The following DPP6 variants were observed in gnomAD, a reference collection of about 807,000 sequenced individuals.
DPP6 encodes dipeptidyl peptidase like 6.
In DPP6, 69 loss-of-function variants were observed where a neutral mutation model predicts 122.6. The ratio of observed to expected loss-of-function variants is 0.56; its 90% confidence interval spans 0.46 to 0.69. The LOEUF is 0.69. Ranked by LOEUF, DPP6 falls within the 30% of genes least tolerant of loss-of-function variation. DPP6 has a pLI of 0.00. For missense variants in DPP6, 928 were observed against 1,116.9 expected (o/e 0.83, Z 2.41); for synonymous variants, 418 against 433.1 (o/e 0.97, Z 0.43).
At chr7:153,965,991 T>A (rs928286019) in intron 1 of DPP6, among the ~76,000 whole-genome samples, 6 of 150,900 alleles carry the variant, frequency 4.0e-5, no homozygotes, top group Non-Finnish European at 5.9e-5. Context: ...GAAAGACTGA[T>A]AAGTTTTCAG....
At chr7:153,773,330 A>ATATATT in the DPP6 span, among the ~76,000 whole-genome samples, 9 of 139,958 alleles carry the variant, frequency 6.4e-5, no homozygotes, top group African/African-American at 2.4e-4. Context: ...ATATATATAT[A>ATATATT]TTTTTTTTTA....
At chr7:154,732,297 G>C (rs1842378032) in intron 8 of DPP6, among the ~76,000 whole-genome samples, 1 of 152,084 alleles carries the variant, frequency 6.6e-6, no homozygotes, top group Admixed American at 6.5e-5. Flanking sequence ...ATATGCATGA[G>C]CTATAGTGGG....
the DPP6 span, among the ~76,000 whole-genome samples, chr7:153,871,886 G>A: frequency 1.6e-4 from 25 of 152,170 alleles, 1 homozygote; most frequent in South Asian, 1.0e-3. Context: ...GTACCTTTTC[G>A]TCACTGTGAC....
rs542368400 is a variant in DPP6 at position 154,318,584 on chromosome 7, T to C, written c.244-127630T>C. ...AAACATAAATCCCTTGACTGATACT[T>C]GTTGAGCAAGTTAAAGATGTCCCAG... On this transcript the variant is annotated intron_variant, in intron 1 of 25. Coordinates refer to ENST00000377770, the MANE Select transcript of DPP6 (RefSeq NM_130797.4). 5.9e-5 allele frequency among the ~76,000 whole-genome samples: 9 copies of C among 152,300 alleles called. 2 individuals carry two copies. Among genetic ancestry groups the C allele is most frequent in the African/African-American group, 2.2e-4 (9 of 41,570 alleles).
At chr7:154,375,109 C>T (rs964416105) in intron 1 of DPP6, among the ~76,000 whole-genome samples, 6 of 151,952 alleles carry the variant, frequency 3.9e-5, no homozygotes, top group East Asian at 1.9e-4. Context: ...GCGTGAGTCC[C>T]GGGGAAGAGA....
At chr7:154,276,777 C>T (rs902437018) in intron 1 of DPP6, among the ~76,000 whole-genome samples, 2 of 152,118 alleles carry the variant, frequency 1.3e-5, no homozygotes, top group African/African-American at 4.8e-5. Flanking sequence ...CGGGTCACAA[C>T]ATTTTCATCC....
At chr7:153,790,678 G>A in the DPP6 span, among the ~76,000 whole-genome samples, 5 of 152,288 alleles carry the variant, frequency 3.3e-5, no homozygotes, top group South Asian at 2.1e-4. Context: ...TGAAACAGCC[G>A]GAGAGGTATT....
chr7:153,987,927 A>G (rs991882053), intron 1 of DPP6, among the ~76,000 whole-genome samples: 2 of 152,140 alleles, frequency 1.3e-5, no homozygotes, highest in Non-Finnish European at 2.9e-5. Flanking sequence ...ACCGGCCAGT[A>G]TGGAATTGGT....
At chr7:154,595,199 G>A (rs767657199) in intron 5 of DPP6, among the ~76,000 whole-genome samples, 6 of 151,860 alleles carry the variant, frequency 4.0e-5, no homozygotes, top group Non-Finnish European at 7.4e-5. Flanking sequence ...CCCCTTCTCC[G>A]TTGCCATCTT....
At chr7:154,809,792 C>T (rs761381935) in intron 16 of DPP6, among the ~76,000 whole-genome samples, 9 of 152,174 alleles carry the variant, frequency 5.9e-5, no homozygotes, top group Non-Finnish European at 1.3e-4. Context: ...CTGAGCTGCT[C>T]GGTCATATTC....
At chr7:153,946,510 G>A (rs996190360) in intron 1 of DPP6, among the ~76,000 whole-genome samples, 10 of 152,074 alleles carry the variant, frequency 6.6e-5, no homozygotes, top group African/African-American at 2.2e-4. Context: ...GTTTCGATGG[G>A]TTTTAGACGG....
the DPP6 span, among the ~76,000 whole-genome samples, chr7:153,784,039 C>T: frequency 2.0e-5 from 3 of 152,182 alleles, no homozygotes; most frequent in Non-Finnish European, 4.4e-5. Flanking sequence ...ACAGTAGTTA[C>T]CCTATACATG....
chr7:153,792,454 G>A, the DPP6 span, among the ~76,000 whole-genome samples: 1 of 152,126 alleles, frequency 6.6e-6, no homozygotes, highest in Non-Finnish European at 1.5e-5. Context: ...AGTGCTTAGG[G>A]AAATTCACCA....
intron 1 of DPP6, among the ~76,000 whole-genome samples, chr7:154,370,710 T>G (rs1812580532): frequency 6.6e-6 from 1 of 152,224 alleles, no homozygotes; most frequent in Non-Finnish European, 1.5e-5. Flanking sequence ...GCTCTTCAAT[T>G]TCTTTGCAGA....
rs1404331090 is a variant in DPP6 at position 154,624,305 on chromosome 7, C to T, written c.628-13516C>T. 4.2e-5 allele frequency among the ~76,000 whole-genome samples: 6 copies of T among 142,566 alleles called. No homozygotes were observed. Among genetic ancestry groups the T allele is most frequent in the South Asian group, 2.3e-4 (1 of 4,372 alleles). The allele number at this position is 142,566 out of a possible 152,430, so 93.5% of individuals were successfully genotyped here. A position where few individuals can be genotyped will look rare whatever the true frequency, so the allele number is the denominator to read the frequency against. On this transcript the variant is annotated intron_variant, in intron 5 of 25. Transcript: ENST00000377770. This position sits in a 1 kb window ranked among gnomAD's most constrained non-coding sequence, Gnocchi z 4.7. ...TCACGTCACTGCACTCCAGCCAGGGCGACAGAGTGAGACTCCATCTTAAAA... is the reference window on the plus strand; with the variant it reads ...TCACGTCACTGCACTCCAGCCAGGGTGACAGAGTGAGACTCCATCTTAAAA...
upstream of DPP6, among the ~76,000 whole-genome samples, chr7:154,051,703 G>A (rs1800332283): frequency 6.6e-6 from 1 of 151,144 alleles, no homozygotes; most frequent in Admixed American, 6.6e-5. Context: ...ATGGAGTCGC[G>A]GTCACAGCCG....
intron 1 of DPP6, among the ~76,000 whole-genome samples, chr7:153,975,266 T>C (rs145299718): frequency 0.088 from 13,281 of 150,372 alleles, 2,056 homozygotes; most frequent in African/African-American, 0.31. Context: ...ATTTCACTTA[T>C]GAAAGGAGTC....
chr7:153,927,028 T>G (rs2129011355), intron 1 of DPP6, among the ~76,000 whole-genome samples: 1 of 151,856 alleles, frequency 6.6e-6, no homozygotes, highest in South Asian at 2.1e-4. Context: ...TTACTGAAAG[T>G]AATAATTGGC....
chr7:154,311,541 G>A (rs1489572776), intron 1 of DPP6, among the ~76,000 whole-genome samples: 1 of 152,024 alleles, frequency 6.6e-6, no homozygotes, highest in East Asian at 1.9e-4. Context: ...TGGGTGGGAT[G>A]TAAATTGCAA....
Sources: gnomAD v4.1 joint callset for allele counts (sites outside exome capture counted in the v4.1 genomes callset) on GRCh38, gnomAD v4.1.1 for gene constraint, Gnocchi (gnomAD v3.1) non-coding constraint, MANE v1.5 for transcripts, NCBI Gene and HGNC (gene_info 2026-07-23, HGNC 2026-07-21) for gene names.